Variants in PRDM16 observed in about 807,000 individuals in gnomAD.
The protein encoded by PRDM16 is PR/SET domain 16, also known as histone-lysine N-methyltransferase PRDM16.
PRDM16 carries 23 observed loss-of-function variants against 110.6 expected under a neutral mutation model. The ratio of observed to expected loss-of-function variants is 0.21; its 90% CI spans 0.15 to 0.29. The LOEUF (loss-of-function observed/expected upper bound fraction) is 0.29. Ranked by LOEUF, PRDM16 falls within the 10% of genes least tolerant of loss-of-function variation. The pLI is 1.00. For synonymous variants in PRDM16, 799 were observed against 781.8 expected, an observed-to-expected ratio of 1.02 and a Z score of -0.37; for missense variants, 1,615 against 1,794.3, an observed-to-expected ratio of 0.90 and a Z score of 1.81.
chr1:3,230,341 C>G (rs572163997), intron 2 of PRDM16, among the ~76,000 whole-genome samples: 1 of 152,210 alleles, frequency 6.6e-6, no homozygotes, highest in African/African-American at 2.4e-5. Flanking sequence ...CCTCCTGGGA[C>G]GAGTCCTTGG....
intron 3 of PRDM16, among the ~76,000 whole-genome samples, chr1:3,354,704 C>T (rs1368199723): frequency 6.6e-6 from 1 of 152,252 alleles, no homozygotes; most frequent in Non-Finnish European, 1.5e-5. Flanking sequence ...CTTTCCTCTT[C>T]GCTGAGTCAG....
intron 7 of PRDM16, 48 bp downstream of exon 7, chr1:3,404,934 G>A (rs1643534732): frequency 6.3e-7 from 1 of 1,583,348 alleles, no homozygotes; most frequent in Non-Finnish European, 8.6e-7. Flanking sequence ...GCAGGAGGCT[G>A]CAGACGGGCG....
intron 1 of PRDM16, among the ~76,000 whole-genome samples, chr1:3,083,844 A>G (rs972623276): frequency 5.3e-5 from 8 of 152,126 alleles, no homozygotes; most frequent in African/African-American, 1.9e-4. Context: ...TGCCCAGGGA[A>G]CTGCAGGAGA....
intron 3 of PRDM16, among the ~76,000 whole-genome samples, chr1:3,377,595 G>A (rs1313866120): frequency 2.0e-5 from 3 of 152,180 alleles, no homozygotes; most frequent in South Asian, 2.1e-4. Context: ...TGGACAGGAG[G>A]GCAGTTTCCT....
chr1:3,089,033 T>G (rs1642213722), intron 1 of PRDM16, among the ~76,000 whole-genome samples: 1 of 152,172 alleles, frequency 6.6e-6, no homozygotes, highest in Non-Finnish European at 1.5e-5. Context: ...TCCACCCACC[T>G]TGGCCTCCCA....
intron 10 of PRDM16, among the ~76,000 whole-genome samples, chr1:3,415,986 C>T (rs1569743992): frequency 6.6e-6 from 1 of 152,348 alleles, no homozygotes; most frequent in East Asian, 1.9e-4. Flanking sequence ...AGCAAGGCAG[C>T]TTCCATCTGC....
At chr1:3,174,925 A>G (rs1644068472) in intron 1 of PRDM16, among the ~76,000 whole-genome samples, 1 of 152,270 alleles carries the variant, frequency 6.6e-6, no homozygotes, top group South Asian at 2.1e-4. Flanking sequence ...CGGCTTTCTC[A>G]GTGCTATCAA....
At chr1:3,429,967 G>A (rs1202111445) in intron 14 of PRDM16, among the ~76,000 whole-genome samples, 2 of 152,236 alleles carry the variant, frequency 1.3e-5, no homozygotes, top group East Asian at 1.9e-4. Context: ...GGCAGCGGGA[G>A]GCAGTGCCCC....
At chr1:3,106,699 G>T (rs1227707256) in intron 1 of PRDM16, among the ~76,000 whole-genome samples, 1 of 152,176 alleles carries the variant, frequency 6.6e-6, no homozygotes, top group Non-Finnish European at 1.5e-5. Context: ...TGGGCCAGTG[G>T]AGGCATTTGG....
At chr1:3,266,543 G>C (rs1640298156) in intron 3 of PRDM16, among the ~76,000 whole-genome samples, 4 of 152,338 alleles carry the variant, frequency 2.6e-5, no homozygotes, top group Admixed American at 2.6e-4. Flanking sequence ...CTCCGACGAG[G>C]AGAGGGCCCC....
Position 3,333,266 on chromosome 1 carries a change from G to A in PRDM16, c.439-51886G>A, listed in dbSNP as rs1642079783. ...TGGGGGTGAAGGAGGCTGGAGCAGAGGAGGCAGGAGTAGCAGAGACCCCCT... is the reference window on the plus strand; with the variant it reads ...TGGGGGTGAAGGAGGCTGGAGCAGAAGAGGCAGGAGTAGCAGAGACCCCCT... On this transcript the variant is annotated intron_variant, in intron 3 of 16. Transcript: ENST00000270722. Among the ~76,000 whole-genome samples, 5 of 152,308 alleles carry A rather than the reference G, an allele frequency of 3.3e-5. No individual in the cohort carries two copies. The South Asian group carries it at 1.0e-3, about 32-fold the overall frequency.
intron 3 of PRDM16, among the ~76,000 whole-genome samples, chr1:3,348,150 C>T (rs1252403150): frequency 6.6e-6 from 1 of 152,216 alleles, no homozygotes; most frequent in African/African-American, 2.4e-5. Context: ...CCCCAACCCA[C>T]GTCCCAGCCT....
At chr1:3,084,564 C>T (rs576650172) in intron 1 of PRDM16, among the ~76,000 whole-genome samples, 4 of 152,130 alleles carry the variant, frequency 2.6e-5, no homozygotes, top group Admixed American at 1.3e-4. Flanking sequence ...GCTCTGTCGC[C>T]GAAATTCGAG....
At chr1:3,094,687 A>G (rs998636686) in intron 1 of PRDM16, among the ~76,000 whole-genome samples, 3 of 152,258 alleles carry the variant, frequency 2.0e-5, no homozygotes. Flanking sequence ...CTTTCACAGA[A>G]CACGCAGACA....
chr1:3,394,443 CCCGAGGT>C, intron 4 of PRDM16: 1 of 447,932 alleles, frequency 2.2e-6, no homozygotes, highest in Non-Finnish European at 4.5e-6. Flanking sequence ...CGGGAGGATG[CCCGAGGT>C]CTCACGTCAG....
chr1:3,295,269 G>A (rs1641062078), intron 3 of PRDM16, among the ~76,000 whole-genome samples: 1 of 152,196 alleles, frequency 6.6e-6, no homozygotes, highest in African/African-American at 2.4e-5. Context: ...TGCAGGGTGA[G>A]CCCCTCCTGG....
chr1:3,403,006 GC>G lies in PRDM16; in HGVS notation c.884+11del. 6.3e-7 allele frequency: 1 copy of G among 1,590,658 alleles called. No homozygotes were observed. ...GTTCCCCAACAAGTACAGGTGCCAC[GC>G]CCTCCTCTGAGTCTTCCTCCCCTTC... On this transcript the variant is annotated intron_variant, in intron 6 of 16. Coordinates refer to ENST00000270722, the MANE Select transcript of PRDM16 (RefSeq NM_022114.4).
chr1:3,221,635 C>T (rs1212986584), intron 2 of PRDM16, among the ~76,000 whole-genome samples: 6 of 152,238 alleles, frequency 3.9e-5, no homozygotes, highest in Non-Finnish European at 7.3e-5. Flanking sequence ...TGCATTTCCC[C>T]CTTCTCCCCT....
intron 3 of PRDM16, among the ~76,000 whole-genome samples, chr1:3,305,495 T>C (rs1469160850): frequency 6.6e-6 from 1 of 152,228 alleles, no homozygotes; most frequent in African/African-American, 2.4e-5. Flanking sequence ...GCTCCTTTGG[T>C]GACCATTTCC....
Sources: allele counts gnomAD v4.1 joint callset (sites outside exome capture counted in the v4.1 genomes callset), GRCh38; gene constraint gnomAD v4.1.1; transcripts MANE v1.5; gene names NCBI Gene and HGNC (gene_info 2026-07-23, HGNC 2026-07-21).